The following TIAM1 variants were observed in gnomAD, a reference collection of about 807,000 sequenced individuals.
TIAM1 encodes the protein rho guanine nucleotide exchange factor TIAM1.
TIAM1 carries 65 observed loss-of-function variants against 163.5 expected under a neutral mutation model. That is an observed-to-expected ratio of 0.40 (90% confidence interval 0.33 to 0.49). TIAM1 has a LOEUF of 0.49. Ranked by LOEUF, TIAM1 falls within the 20% of genes least tolerant of loss-of-function variation. The pLI, the probability that TIAM1 is intolerant of heterozygous loss-of-function variation, is 0.77. For missense variants in TIAM1, 1,789 were observed against 2,044.7 expected, an observed-to-expected ratio of 0.87 and a Z score of 2.41; for synonymous variants, 833 against 810.1, an observed-to-expected ratio of 1.03 and a Z score of -0.48.
chr21:31,435,745 G>T (rs906207601), intron 2 of TIAM1, among the ~76,000 whole-genome samples: 1 of 152,212 alleles, frequency 6.6e-6, no homozygotes, highest in Non-Finnish European at 1.5e-5. Flanking sequence ...ACAATGTTGA[G>T]AGGTGGGACC....
At chr21:31,355,937 A>G (rs1358161889) in intron 2 of TIAM1, among the ~76,000 whole-genome samples, 1 of 152,140 alleles carries the variant, frequency 6.6e-6, no homozygotes, top group Admixed American at 6.6e-5. Context: ...CATAAGCCCC[A>G]CAAGAGCAGG....
chr21:31,287,686 T>C (rs1405131459), intron 2 of TIAM1, among the ~76,000 whole-genome samples: 1 of 152,194 alleles, frequency 6.6e-6, no homozygotes, highest in African/African-American at 2.4e-5. Flanking sequence ...AAAGTATCAT[T>C]AGCCCAATGT....
In TIAM1 at chr21:31,118,826, A is replaced by G. The variant is rs797002744; in HGVS notation, c.*1542T>C. On this transcript the variant is annotated 3_prime_UTR_variant, in exon 28 of 28. Transcript: ENST00000541036. ...CAAGCTCGAAGCCCTGGAAACCCGA[A>G]AGGCGGGGGGAATACAGGGTGGGAA... 1.7e-5 allele frequency: 6 copies of G among 355,644 alleles called. No homozygotes were observed. Among genetic ancestry groups the G allele is most frequent in the African/African-American group, 1.3e-4 (6 of 46,650 alleles). The allele number at this position is 355,644 out of a possible 1,614,324, so 22.0% of individuals were successfully genotyped here.
intron 1 of TIAM1, among the ~76,000 whole-genome samples, chr21:31,516,006 G>T (rs1788484665): frequency 6.6e-6 from 1 of 151,680 alleles, no homozygotes; most frequent in African/African-American, 2.4e-5. Flanking sequence ...TACTCAGGAG[G>T]CTGAGGTAGG....
chr21:31,187,514 T>C (rs577346513), intron 13 of TIAM1, among the ~76,000 whole-genome samples: 5 of 152,296 alleles, frequency 3.3e-5, no homozygotes, highest in South Asian at 4.1e-4. Flanking sequence ...TGTTCATCCA[T>C]ATGTATGACT....
chr21:31,237,420 A>G (rs2070950825), intron 6 of TIAM1, among the ~76,000 whole-genome samples: 1 of 152,202 alleles, frequency 6.6e-6, no homozygotes. Context: ...TAGCCTTTTC[A>G]CAGTGAAGCC....
Position 31,190,795 on chromosome 21 carries a change from C to T in TIAM1, c.2576-3708G>A, listed in dbSNP as rs1166982379. Among the ~76,000 whole-genome samples the T allele has an allele frequency of 2.0e-5, 3 of 152,224 alleles. No individual in the cohort carries two copies. The East Asian group carries it at 5.8e-4, about 29-fold the overall frequency. On this transcript the variant is annotated intron_variant, in intron 13 of 27. Coordinates refer to ENST00000541036, the MANE Select transcript of TIAM1 (RefSeq NM_001353694.2). Reference sequence around the variant, plus strand: ...GAGAGAGAAATTAAGTAAATGTTCCCGCTTTAAGTGTGTTCAGTCAGTTGG... The same window carrying T: ...GAGAGAGAAATTAAGTAAATGTTCCTGCTTTAAGTGTGTTCAGTCAGTTGG...
At chr21:31,148,426 C>T (rs2083234551) in intron 19 of TIAM1, among the ~76,000 whole-genome samples, 2 of 152,166 alleles carry the variant, frequency 1.3e-5, no homozygotes, top group African/African-American at 4.8e-5. Context: ...GACTTTGCTC[C>T]TCCTGAGGCC....
At chr21:31,432,379 G>A (rs998782626) in intron 2 of TIAM1, among the ~76,000 whole-genome samples, 5 of 152,148 alleles carry the variant, frequency 3.3e-5, no homozygotes, top group African/African-American at 4.8e-5. Flanking sequence ...GATTACAGGC[G>A]TGAGCCACCA....
At chr21:31,226,016 A>G in intron 6 of TIAM1, 66 bp from the exon 7 acceptor site, 1 of 1,436,164 alleles carries the variant, frequency 7.0e-7, no homozygotes, top group Non-Finnish European at 9.6e-7. Flanking sequence ...AATGAACCGG[A>G]GCATTTCCAG....
chr21:31,447,814 G>C (rs1431188427), intron 2 of TIAM1, among the ~76,000 whole-genome samples: 7 of 152,168 alleles, frequency 4.6e-5, no homozygotes, highest in Non-Finnish European at 7.3e-5. Flanking sequence ...GTATATATCT[G>C]CATGAAGAGA....
intron 1 of TIAM1, among the ~76,000 whole-genome samples, chr21:31,527,062 G>A (rs1276656273): frequency 2.0e-5 from 3 of 152,074 alleles, no homozygotes; most frequent in East Asian, 1.9e-4. Context: ...AAAGATATCC[G>A]GGCCACACAC....
intron 2 of TIAM1, among the ~76,000 whole-genome samples, chr21:31,314,601 C>A (rs904003996): frequency 4.6e-5 from 7 of 152,042 alleles, no homozygotes; most frequent in African/African-American, 1.7e-4. Flanking sequence ...TACTTTTTAT[C>A]CTATTCCAAT....
chr21:31,363,352 C>T (rs1445925348), intron 2 of TIAM1, among the ~76,000 whole-genome samples: 1 of 152,084 alleles, frequency 6.6e-6, no homozygotes. Flanking sequence ...CCACTTTGGC[C>T]CTAAATCAAC....
At chr21:31,278,508 C>T (rs184902080) in intron 2 of TIAM1, among the ~76,000 whole-genome samples, 39 of 152,304 alleles carry the variant, frequency 2.6e-4, no homozygotes, top group African/African-American at 6.3e-4. Flanking sequence ...TGGGGCTGCC[C>T]GCTGCTGGTG....
chr21:31,385,107 G>T (rs1006468845), intron 2 of TIAM1, among the ~76,000 whole-genome samples: 3 of 152,112 alleles, frequency 2.0e-5, no homozygotes, highest in Admixed American at 6.6e-5. Flanking sequence ...TATTGTTCAG[G>T]CTGGAGTGCA....
chr21:31,528,760 G>A (rs578011248), intron 1 of TIAM1, among the ~76,000 whole-genome samples: 31 of 150,100 alleles, frequency 2.1e-4, no homozygotes, highest in Admixed American at 1.7e-3. Context: ...AGTGGAGATT[G>A]TACCACTGAA....
At chr21:31,437,575 G>T (rs2044255382) in intron 2 of TIAM1, among the ~76,000 whole-genome samples, 1 of 151,112 alleles carries the variant, frequency 6.6e-6, no homozygotes, top group Admixed American at 6.6e-5. Context: ...ATCTCATGTT[G>T]AATTATAATC....
chr21:31,184,075 C>T (rs759452909), intron 14 of TIAM1, among the ~76,000 whole-genome samples: 1 of 152,200 alleles, frequency 6.6e-6, no homozygotes, highest in Non-Finnish European at 1.5e-5. Flanking sequence ...GGTGGGACTA[C>T]AGTCATGTGC....
Sources: gnomAD v4.1 joint callset for allele counts (sites outside exome capture counted in the v4.1 genomes callset) on GRCh38, gnomAD v4.1.1 for gene constraint, MANE v1.5 for transcripts, NCBI Gene and HGNC (gene_info 2026-07-23, HGNC 2026-07-21) for gene names.